CADM2: variants seen among roughly 807,000 people sequenced by gnomAD.
The protein encoded by CADM2 is cell adhesion molecule 2, also known as immunoglobulin superfamily member 4D.
A neutral mutation model predicts 49.8 loss-of-function variants in CADM2; 12 were observed. The ratio of observed to expected loss-of-function variants is 0.24; its 90% CI spans 0.15 to 0.39. CADM2 has a LOEUF of 0.39. Among genes scored for constraint, CADM2 ranks in the 10% least tolerant of loss-of-function variants. The probability of loss-of-function intolerance (pLI) is 1.00; values close to 1 mark genes in which losing one functional copy is unlikely to be tolerated. For missense variants in CADM2, 378 were observed against 492.3 expected (o/e 0.77, Z 2.20); for synonymous variants, 214 against 175.4 (o/e 1.22, Z -1.74).
intron 1 of CADM2, among the ~76,000 whole-genome samples, chr3:85,134,759 T>A (rs534732202): frequency 4.6e-5 from 7 of 152,210 alleles, no homozygotes; most frequent in Admixed American, 4.6e-4. Context: ...AATTTAAATA[T>A]AAGAGATTTG....
intron 1 of CADM2, among the ~76,000 whole-genome samples, chr3:85,237,832 A>G (rs1282990054): frequency 6.6e-6 from 1 of 151,876 alleles, no homozygotes; most frequent in Admixed American, 6.6e-5. Context: ...TTAATTATCA[A>G]TGTAGTTATT....
intron 8 of CADM2, among the ~76,000 whole-genome samples, chr3:85,969,402 C>A (rs1725836295): frequency 6.6e-6 from 1 of 151,258 alleles, no homozygotes; most frequent in Non-Finnish European, 1.5e-5. Flanking sequence ...AATGCTTGTC[C>A]AAGATGCACA....
At chr3:85,049,055 A>C (rs1353346046) in intron 1 of CADM2, among the ~76,000 whole-genome samples, 1 of 152,148 alleles carries the variant, frequency 6.6e-6, no homozygotes, top group Non-Finnish European at 1.5e-5. Context: ...GGGATTAAAA[A>C]AGTTTCAGGA....
intron 7 of CADM2, among the ~76,000 whole-genome samples, chr3:85,947,322 G>T (rs1702579413): frequency 6.6e-6 from 1 of 151,512 alleles, no homozygotes; most frequent in South Asian, 2.1e-4. Context: ...TTATCATATA[G>T]ATATTCTTAT....
intron 1 of CADM2, among the ~76,000 whole-genome samples, chr3:85,187,843 C>T (rs1047596962): frequency 2.1e-5 from 3 of 146,170 alleles, no homozygotes; most frequent in Non-Finnish European, 3.1e-5. Context: ...ATAACAAATA[C>T]TTTTTTTTCA....
chr3:85,460,079 G>A (rs552395904), intron 1 of CADM2, among the ~76,000 whole-genome samples: 19 of 152,088 alleles, frequency 1.2e-4, no homozygotes, highest in East Asian at 3.9e-4. Flanking sequence ...GCTATTCTCC[G>A]TCATATCTTG....
chr3:85,087,386 T>C (rs187538584), intron 1 of CADM2, among the ~76,000 whole-genome samples: 2 of 152,338 alleles, frequency 1.3e-5, no homozygotes, highest in Admixed American at 1.3e-4. Context: ...ACATAAGTTA[T>C]TCTGCTCATG....
chr3:85,469,114 C>G (rs2038653638), intron 1 of CADM2, among the ~76,000 whole-genome samples: 1 of 152,158 alleles, frequency 6.6e-6, no homozygotes, highest in African/African-American at 2.4e-5. Context: ...GTGTCAGACT[C>G]TGGGCTTATC....
At chr3:85,906,848 C>A (rs1716870026) in intron 5 of CADM2, among the ~76,000 whole-genome samples, 2 of 152,278 alleles carry the variant, frequency 1.3e-5, no homozygotes, top group Non-Finnish European at 2.9e-5. Context: ...TGTAAAATAT[C>A]TTTGAGCATT....
intron 1 of CADM2, among the ~76,000 whole-genome samples, chr3:85,442,657 C>T (rs1208736944): frequency 7.3e-6 from 1 of 137,182 alleles, no homozygotes; most frequent in Admixed American, 7.4e-5. Flanking sequence ...AGCTAAGAGG[C>T]CAGATTTCAG....
At chr3:85,779,433 T>C (rs2070521531) in intron 2 of CADM2, among the ~76,000 whole-genome samples, 2 of 152,178 alleles carry the variant, frequency 1.3e-5, no homozygotes, top group Non-Finnish European at 1.5e-5. Context: ...GAGGTTTAAT[T>C]GACTCACAGT....
intron 1 of CADM2, among the ~76,000 whole-genome samples, chr3:85,142,405 G>T (rs780510908): frequency 6.6e-6 from 1 of 152,076 alleles, no homozygotes; most frequent in Non-Finnish European, 1.5e-5. Flanking sequence ...CATGCTTTAG[G>T]TTCAGTGATA....
intron 1 of CADM2, among the ~76,000 whole-genome samples, chr3:85,404,602 T>C (rs1254687183): frequency 6.6e-6 from 1 of 152,136 alleles, no homozygotes; most frequent in East Asian, 1.9e-4. Context: ...TGTAAGACAA[T>C]CCTAACGGAA....
At chr3:85,125,779 G>T (rs980752255) in intron 1 of CADM2, among the ~76,000 whole-genome samples, 1 of 152,110 alleles carries the variant, frequency 6.6e-6, no homozygotes, top group Non-Finnish European at 1.5e-5. Context: ...ATTATGGCAC[G>T]TGTAATCTTA....
chr3:85,410,353 A>G (rs2035598366), intron 1 of CADM2, among the ~76,000 whole-genome samples: 1 of 152,052 alleles, frequency 6.6e-6, no homozygotes, highest in Admixed American at 6.6e-5. Flanking sequence ...AGGTAAATTC[A>G]CTCTTGAGCA....
rs1728514497 is a variant in CADM2 at position 85,989,631 on chromosome 3, C to T, written c.970+27984C>T. On this transcript the variant is annotated intron_variant, in intron 8 of 9. Transcript: ENST00000383699. ...AGATACGTGTGCTCCAAATATGACA[C>T]CCAACTTCTTTACTCAGAGCAGTTA... is the stretch of plus-strand genomic sequence containing the variant. Among the ~76,000 whole-genome samples the T allele has an allele frequency of 3.3e-5, 5 of 152,064 alleles. No individual in the cohort carries two copies. In the South Asian group the frequency reaches 1.0e-3, roughly 32 times the overall value.
intron 1 of CADM2, among the ~76,000 whole-genome samples, chr3:85,638,981 A>G (rs956005602): frequency 2.0e-5 from 3 of 152,192 alleles, no homozygotes; most frequent in Non-Finnish European, 4.4e-5. Context: ...AAACAACAAT[A>G]TTTATGATTC....
intron 1 of CADM2, among the ~76,000 whole-genome samples, chr3:85,405,236 C>G (rs1481669381): frequency 6.6e-6 from 1 of 152,140 alleles, no homozygotes; most frequent in Non-Finnish European, 1.5e-5. Flanking sequence ...CTCAAAATCT[C>G]TGTATCCTAG....
intron 1 of CADM2, among the ~76,000 whole-genome samples, chr3:85,081,513 C>T (rs1262948774): frequency 6.6e-6 from 1 of 152,152 alleles, no homozygotes; most frequent in African/African-American, 2.4e-5. Context: ...AAAAATAATA[C>T]ACGACTTTTT....
Sources: allele counts gnomAD v4.1 joint callset (sites outside exome capture counted in the v4.1 genomes callset), GRCh38; gene constraint gnomAD v4.1.1; transcripts MANE v1.5; gene names NCBI Gene and HGNC (gene_info 2026-07-23, HGNC 2026-07-21).